The following TAFA2 variants were observed in gnomAD, a reference collection of about 807,000 sequenced individuals.
The protein encoded by TAFA2 is TAFA chemokine like family member 2.
In TAFA2, 7 loss-of-function variants were observed where a neutral mutation model predicts 18.8. The observed-to-expected ratio is 0.37, with a 90% CI of 0.21 to 0.70. The LOEUF is 0.70. Ranked by LOEUF, TAFA2 falls within the 30% of genes least tolerant of loss-of-function variation. The pLI is 0.53. For missense variants in TAFA2, 122 were observed against 158.1 expected, an observed-to-expected ratio of 0.77 and a Z score of 1.23; for synonymous variants, 60 against 54.2, an observed-to-expected ratio of 1.11 and a Z score of -0.47.
intron 1 of TAFA2, among the ~76,000 whole-genome samples, chr12:62,167,144 T>C (rs1448227872): frequency 6.6e-6 from 1 of 152,134 alleles, no homozygotes; most frequent in Non-Finnish European, 1.5e-5. Context: ...AATATACATA[T>C]GTATTTATGT....
chr12:61,921,316 A>G (rs1191979677), intron 1 of TAFA2, among the ~76,000 whole-genome samples: 1 of 152,194 alleles, frequency 6.6e-6, no homozygotes, highest in Non-Finnish European at 1.5e-5. Flanking sequence ...CTTAGGCCAG[A>G]GTGGTAGCAG....
At chr12:61,974,642 A>T (rs1879366440) in intron 1 of TAFA2, among the ~76,000 whole-genome samples, 1 of 151,802 alleles carries the variant, frequency 6.6e-6, no homozygotes, top group East Asian at 1.9e-4. Context: ...CAGCAGTGCC[A>T]CCAGGAGCAG....
chr12:62,133,556 A>G (rs1870774665), intron 1 of TAFA2, among the ~76,000 whole-genome samples: 1 of 152,092 alleles, frequency 6.6e-6, no homozygotes, highest in Admixed American at 6.6e-5. Flanking sequence ...TATCTCCATT[A>G]TGTGAGCAAA....
chr12:61,721,802 A>C (rs1444855176), intron 4 of TAFA2, among the ~76,000 whole-genome samples: 2 of 152,082 alleles, frequency 1.3e-5, no homozygotes, highest in African/African-American at 2.4e-5. Flanking sequence ...CTAAAAGTAC[A>C]AAAAATTAGC....
chr12:62,228,192 C>T (rs2062796197), intron 1 of TAFA2, among the ~76,000 whole-genome samples: 1 of 152,172 alleles, frequency 6.6e-6, no homozygotes, highest in Non-Finnish European at 1.5e-5. Flanking sequence ...TCCTCCCTCC[C>T]CACACTTGGA....
intron 2 of TAFA2, chr12:61,827,333 T>A (rs564830116): frequency 6.6e-6 from 1 of 152,200 alleles, no homozygotes; most frequent in Non-Finnish European, 1.5e-5. Flanking sequence ...AGTATTACTT[T>A]GGATCTTAAG....
At chr12:61,712,068 G>GGAGAGAGGAAATTGAGAGAGAAAGAGA (rs1339980660) in intron 4 of TAFA2, among the ~76,000 whole-genome samples, 2 of 151,868 alleles carry the variant, frequency 1.3e-5, no homozygotes, top group Non-Finnish European at 2.9e-5. Context: ...TGTAAAAGAT[G>GGAGAGAGGAAATTGAGAGAGAAAGAGA]GAGAGAGGAA....
chr12:62,202,821 C>CCTTTTTTTTTTTTTTTTTTTTTT (rs368047311), intron 1 of TAFA2, among the ~76,000 whole-genome samples: 2 of 61,626 alleles, frequency 3.2e-5, no homozygotes, highest in African/African-American at 1.2e-4. Flanking sequence ...CTGTGTGGTT[C>CCTTTTTTTTTTTTTTTTTTTTTT]TTTTTTTTTT....
At chr12:61,758,435 C>T (rs185419279) in intron 2 of TAFA2, among the ~76,000 whole-genome samples, 1 of 151,758 alleles carries the variant, frequency 6.6e-6, no homozygotes, top group Admixed American at 6.6e-5. Context: ...TGATCCAGGG[C>T]CCCTGGAGGG....
At position 62,123,781 on chromosome 12, in the gene TAFA2, T is replaced by TACACACACACACACACACACACACAC. The variant is rs71083977; in HGVS notation, c.-2+67452_-2+67477dup. On this transcript the variant is annotated intron_variant, in intron 1 of 4. Coordinates refer to ENST00000416284, the MANE Select transcript of TAFA2 (RefSeq NM_178539.5). Reference sequence around the variant, plus strand: ...TCTCAAATCTCCCCCACCACACACATACACACACACACACACACACACACA... The same window carrying TACACACACACACACACACACACACAC: ...TCTCAAATCTCCCCCACCACACACATACACACACACACACACACACACACACACACACACACACACACACACACACA... Among the ~76,000 whole-genome samples the TACACACACACACACACACACACACAC allele has an allele frequency of 5.8e-3, 773 of 132,792 alleles. 8 individuals carry two copies. The highest frequency in any genetic ancestry group is 7.7e-3 in the Non-Finnish European group (488 of 62,976). The allele number at this position is 132,792 out of a possible 152,430, so 87.1% of individuals were successfully genotyped here.
chr12:61,923,723 T>C (rs1344453341), intron 1 of TAFA2, among the ~76,000 whole-genome samples: 1 of 151,756 alleles, frequency 6.6e-6, no homozygotes, highest in Admixed American at 6.6e-5. Context: ...GGAACAAAAC[T>C]GGATGGAGAA....
intron 2 of TAFA2, among the ~76,000 whole-genome samples, chr12:61,801,354 T>C (rs1282366124): frequency 6.6e-6 from 1 of 152,082 alleles, no homozygotes; most frequent in Non-Finnish European, 1.5e-5. Flanking sequence ...GGCATCACAT[T>C]ACATGACTTC....
intron 1 of TAFA2, among the ~76,000 whole-genome samples, chr12:61,929,993 T>C (rs984065441): frequency 3.3e-5 from 4 of 122,460 alleles, no homozygotes; most frequent in Admixed American, 9.0e-5. Flanking sequence ...CATCACACTC[T>C]GGGGACTGTT....
chr12:62,218,059 G>A (rs1002250450), intron 1 of TAFA2, among the ~76,000 whole-genome samples: 17 of 151,420 alleles, frequency 1.1e-4, no homozygotes, highest in African/African-American at 2.4e-4. Context: ...GCAGTGATGC[G>A]ATCATAGCTC....
intron 1 of TAFA2, among the ~76,000 whole-genome samples, chr12:62,019,442 T>C (rs1447716657): frequency 2.1e-5 from 3 of 145,100 alleles, no homozygotes; most frequent in African/African-American, 7.8e-5. Context: ...AATGATAGAC[T>C]GGATTAAGAA....
intron 1 of TAFA2, among the ~76,000 whole-genome samples, chr12:61,999,425 T>C (rs1342072876): frequency 6.6e-6 from 1 of 152,188 alleles, no homozygotes; most frequent in Non-Finnish European, 1.5e-5. Context: ...AGTTTTAAAG[T>C]CTTGCATAAG....
At chr12:62,137,125 G>C (rs989147402) in intron 1 of TAFA2, among the ~76,000 whole-genome samples, 1 of 152,088 alleles carries the variant, frequency 6.6e-6, no homozygotes, top group African/African-American at 2.4e-5. Flanking sequence ...TAGCAGAAAA[G>C]CTCCTGTTTC....
chr12:61,879,598 A>T (rs1307573716), intron 1 of TAFA2: 15 of 771,672 alleles, frequency 1.9e-5, no homozygotes, highest in Non-Finnish European at 3.5e-5. Context: ...ACCCAGGAGA[A>T]GGAGCAGATC....
chr12:61,749,980 A>G (rs186850413), intron 4 of TAFA2, among the ~76,000 whole-genome samples: 2 of 146,742 alleles, frequency 1.4e-5, no homozygotes, highest in Admixed American at 1.4e-4. Flanking sequence ...CGAAGAAAGA[A>G]TATCAAAACA....
Sources: gnomAD v4.1 joint callset for allele counts (sites outside exome capture counted in the v4.1 genomes callset) on GRCh38, gnomAD v4.1.1 for gene constraint, MANE v1.5 for transcripts, NCBI Gene and HGNC (gene_info 2026-07-23, HGNC 2026-07-21) for gene names.